The following FNIP1 variants were observed in gnomAD, a reference collection of about 807,000 sequenced individuals.
The protein encoded by FNIP1 is folliculin interacting protein 1, also known as folliculin-interacting protein 1.
Under a neutral mutation model 124.5 loss-of-function variants are expected in FNIP1, and 40 were observed. That is an observed-to-expected ratio of 0.32 (90% CI 0.25 to 0.42). FNIP1 has a LOEUF of 0.42. Among genes scored for constraint, FNIP1 ranks in the 10% least tolerant of loss-of-function variants. The pLI is 1.00. For synonymous variants in FNIP1, 472 were observed against 470.6 expected (o/e 1.00, Z -0.04); for missense variants, 1,176 against 1,403.7 (o/e 0.84, Z 2.59).
At chr5:131,716,122 T>C (rs1769459012) in intron 6 of FNIP1, among the ~76,000 whole-genome samples, 1 of 152,214 alleles carries the variant, frequency 6.6e-6, no homozygotes, top group African/African-American at 2.4e-5. Flanking sequence ...AACATCAAAT[T>C]TGAACATCTG....
intron 3 of FNIP1, among the ~76,000 whole-genome samples, chr5:131,727,829 C>G (rs1254334099): frequency 6.6e-6 from 1 of 152,122 alleles, no homozygotes; most frequent in Non-Finnish European, 1.5e-5. Flanking sequence ...TTTCCCTTGC[C>G]ATATTTAGTG....
intron 1 of FNIP1, among the ~76,000 whole-genome samples, chr5:131,771,411 G>T (rs1474160339): frequency 6.6e-6 from 1 of 152,120 alleles, no homozygotes; most frequent in East Asian, 1.9e-4. Flanking sequence ...TTCAGGATAG[G>T]AAAGAACTGG....
chr5:131,662,733 A>ATTTTTTTTTTTT (rs34051607), intron 15 of FNIP1, among the ~76,000 whole-genome samples: 1 of 76,950 alleles, frequency 1.3e-5, no homozygotes, highest in African/African-American at 5.3e-5. Context: ...GATATTCTAG[A>ATTTTTTTTTTTT]TTTTTTTTTT....
intron 11 of FNIP1, among the ~76,000 whole-genome samples, chr5:131,692,006 A>G (rs1580758863): frequency 6.6e-6 from 1 of 152,284 alleles, no homozygotes; most frequent in East Asian, 1.9e-4. Context: ...TGGAAGTTAT[A>G]GCTAGGGCTG....
intron 9 of FNIP1, among the ~76,000 whole-genome samples, chr5:131,704,715 T>A (rs543982213): frequency 1.4e-4 from 22 of 152,196 alleles, no homozygotes; most frequent in Non-Finnish European, 2.4e-4. Flanking sequence ...TTGTACTTAA[T>A]GTAGATTAAA....
chr5:131,674,739 G>A (rs1307614276), intron 13 of FNIP1, among the ~76,000 whole-genome samples: 3 of 152,006 alleles, frequency 2.0e-5, no homozygotes, highest in African/African-American at 7.2e-5. Flanking sequence ...AAAAAAAAAG[G>A]AGAATACAAA....
rs1214485938 is a variant in FNIP1 at position 131,709,198 on chromosome 5, T to C, written c.778+3A>G. On this transcript the variant is annotated splice_donor_region_variant and intron_variant, in intron 8 of 17. Coordinates refer to ENST00000510461, the MANE Select transcript of FNIP1 (RefSeq NM_133372.3). Reference sequence around the variant, plus strand: ...AAAACTGAATACAAGAACGTGACATTACCAGACCGTGCTATGCCACTGTCT... The same window carrying C: ...AAAACTGAATACAAGAACGTGACATCACCAGACCGTGCTATGCCACTGTCT... 3 of 1,612,958 alleles carry C rather than the reference T, an allele frequency of 1.9e-6. No individual in the cohort carries two copies. The highest frequency in any genetic ancestry group is 2.5e-6 in the Non-Finnish European group (3 of 1,179,120).
At chr5:131,702,597 T>A (rs1393413679) in intron 10 of FNIP1, among the ~76,000 whole-genome samples, 2 of 152,200 alleles carry the variant, frequency 1.3e-5, no homozygotes, top group African/African-American at 4.8e-5. Context: ...AAACATCCCA[T>A]ACATCCTTCA....
intron 11 of FNIP1, among the ~76,000 whole-genome samples, chr5:131,682,568 TTAGCTGGGTGTGG>T (rs1381518262): frequency 2.0e-5 from 3 of 152,024 alleles, no homozygotes; most frequent in Admixed American, 6.5e-5. Context: ...AATACAAAAA[TTAGCTGGGTGTGG>T]TGGTGAGTGC....
intron 1 of FNIP1, among the ~76,000 whole-genome samples, chr5:131,770,860 A>G (rs897966462): frequency 6.6e-6 from 1 of 152,198 alleles, no homozygotes; most frequent in Non-Finnish European, 1.5e-5. Context: ...GTAGAGGCAA[A>G]CAAACATATC....
At chr5:131,692,520 C>G (rs1012725095) in intron 11 of FNIP1, among the ~76,000 whole-genome samples, 2 of 152,126 alleles carry the variant, frequency 1.3e-5, no homozygotes, top group African/African-American at 4.8e-5. Context: ...ATGAGAATCT[C>G]AGCAAGTTAT....
At chr5:131,657,608 A>G (rs977711648) in intron 15 of FNIP1, among the ~76,000 whole-genome samples, 1 of 152,078 alleles carries the variant, frequency 6.6e-6, no homozygotes, top group African/African-American at 2.4e-5. Context: ...GCTGTTACAG[A>G]AAAAGCCATG....
intron 3 of FNIP1, among the ~76,000 whole-genome samples, chr5:131,725,345 C>T (rs1049649373): frequency 6.6e-6 from 1 of 152,128 alleles, no homozygotes; most frequent in South Asian, 2.1e-4. Context: ...ATGAAATGTT[C>T]TTCCATTTGT....
At chr5:131,685,718 T>G (rs1768253080) in intron 11 of FNIP1, among the ~76,000 whole-genome samples, 1 of 152,018 alleles carries the variant, frequency 6.6e-6, no homozygotes, top group South Asian at 2.1e-4. Context: ...CCTATCAAAG[T>G]GCTGGGATTA....
At position 131,672,418 on chromosome 5, in the gene FNIP1, C is replaced by A; in HGVS notation, c.2026G>T (p.Ala676Ser). 1 of 1,613,866 alleles carries A rather than the reference C, an allele frequency of 6.2e-7. No individual in the cohort carries two copies. The highest frequency in any genetic ancestry group is 8.5e-7 in the Non-Finnish European group (1 of 1,180,022). ...YRDKLRTCFDAKLETVVCTGS... is the reference protein window; with the variant it reads ...YRDKLRTCFDSKLETVVCTGS... The stretch of plus-strand genomic sequence containing the variant: ...GTGCAAACAACTGTCTCTAACTTGG[C>A]GTCAAAGCAAGTTCTTAATTTATCT... Residue 676 changes from alanine to serine, a missense_variant, in exon 14 of 18, where the codon GCC becomes TCC. Physicochemically the swap from Ala to Ser is moderately conservative, Grantham distance 99. Coordinates refer to ENST00000510461, the MANE Select transcript of FNIP1 (RefSeq NM_133372.3).
chr5:131,671,858 G>T lies in FNIP1; in HGVS notation c.2586C>A (p.Asp862Glu). The T allele has an allele frequency of 6.2e-7, 1 of 1,613,976 alleles. No homozygotes were observed. The highest frequency in any genetic ancestry group is 8.5e-7 in the Non-Finnish European group (1 of 1,179,970). The change falls in exon 14 of 18, where the codon GAC (aspartate) becomes GAA (glutamate). Residue 862 changes from aspartate to glutamate, a missense_variant. Coordinates refer to ENST00000510461, the MANE Select transcript of FNIP1 (RefSeq NM_133372.3). ...TTGAAAACTCTAACATACAGCAATG[G>T]TCTTTACTATCTGTACTTGTTTTAA... ...VPFKTSTDSK[D>E]HCCMLEFSKI...
chr5:131,739,694 T>C (rs1285827963), intron 2 of FNIP1, among the ~76,000 whole-genome samples: 1 of 151,180 alleles, frequency 6.6e-6, no homozygotes, highest in East Asian at 1.9e-4. Context: ...GTGCCTGTAG[T>C]CCCAGCTACT....
At chr5:131,659,311 C>T (rs1767326987) in intron 15 of FNIP1, among the ~76,000 whole-genome samples, 1 of 152,222 alleles carries the variant, frequency 6.6e-6, no homozygotes, top group Non-Finnish European at 1.5e-5. Context: ...CACAGGATTC[C>T]ATGCTCAGGA....
At position 131,726,598 on chromosome 5, in the gene FNIP1, C is replaced by G. The variant is rs191341047; in HGVS notation, c.354+4306G>C. Among the ~76,000 whole-genome samples the G allele has an allele frequency of 2.6e-5, 4 of 152,202 alleles. No individual in the cohort carries two copies. The East Asian group carries it at 7.7e-4, about 29-fold the overall frequency. On this transcript the variant is annotated intron_variant, in intron 3 of 17. Transcript: ENST00000510461. ...CTGGCTAGTGGTCTATTTTGTTAAT[C>G]TTTTCAAAAAACCAGCTCCTGGATT...
Sources: allele counts gnomAD v4.1 joint callset (sites outside exome capture counted in the v4.1 genomes callset), GRCh38; gene constraint gnomAD v4.1.1; transcripts MANE v1.5; gene names NCBI Gene and HGNC (gene_info 2026-07-23, HGNC 2026-07-21).